The following PTPRT variants were observed in gnomAD, a reference collection of about 807,000 sequenced individuals.
PTPRT encodes the protein receptor-type tyrosine-protein phosphatase T.
A neutral mutation model predicts 176.8 loss-of-function variants in PTPRT; 56 were observed. The ratio of observed to expected loss-of-function variants is 0.32; its 90% CI spans 0.26 to 0.40. The LOEUF (loss-of-function observed/expected upper bound fraction) is 0.40, where lower values mean the gene tolerates loss of function less well. Ranked by LOEUF, PTPRT falls within the 10% of genes least tolerant of loss-of-function variation. PTPRT has a pLI of 1.00. For synonymous variants in PTPRT, 783 were observed against 739.0 expected, an observed-to-expected ratio of 1.06 and a Z score of -0.96; for missense variants, 1,540 against 1,908.2, an observed-to-expected ratio of 0.81 and a Z score of 3.60.
chr20:42,309,750 G>A (rs2057598487), intron 12 of PTPRT, among the ~76,000 whole-genome samples: 2 of 152,142 alleles, frequency 1.3e-5, no homozygotes, highest in Admixed American at 1.3e-4. Context: ...TGATTATTAG[G>A]TGTCTATTAT....
chr20:43,049,931 T>C (rs768322960), intron 1 of PTPRT, among the ~76,000 whole-genome samples: 4 of 152,170 alleles, frequency 2.6e-5, no homozygotes, highest in Non-Finnish European at 2.9e-5. Flanking sequence ...GTAAGAACAA[T>C]TGCTAATATT....
At chr20:42,794,353 G>C (rs948347278) in intron 2 of PTPRT, among the ~76,000 whole-genome samples, 1 of 152,108 alleles carries the variant, frequency 6.6e-6, no homozygotes, top group Non-Finnish European at 1.5e-5. Flanking sequence ...TCAAAGACTG[G>C]TCCTTGGACC....
chr20:43,107,515 G>A (rs144229005), intron 1 of PTPRT, among the ~76,000 whole-genome samples: 1,669 of 152,254 alleles, frequency 0.011, 38 homozygotes, highest in African/African-American at 0.038. Flanking sequence ...TAGACTAAGT[G>A]GTGTAACCGA....
intron 18 of PTPRT, among the ~76,000 whole-genome samples, chr20:42,133,000 T>C (rs1452640433): frequency 1.3e-5 from 2 of 152,238 alleles, no homozygotes; most frequent in Admixed American, 6.5e-5. Context: ...TTAGGTTTTT[T>C]TGACTTTATG....
intron 6 of PTPRT, among the ~76,000 whole-genome samples, chr20:42,697,100 G>C (rs1600627054): frequency 6.6e-6 from 1 of 151,902 alleles, no homozygotes; most frequent in South Asian, 2.1e-4. Flanking sequence ...ATAATAAAAA[G>C]GTACAAGCGG....
chr20:42,081,632 A>G (rs1983338983), intron 30 of PTPRT, among the ~76,000 whole-genome samples: 1 of 152,230 alleles, frequency 6.6e-6, no homozygotes, highest in Non-Finnish European at 1.5e-5. Context: ...CACTGTCTTA[A>G]GGAATGGGCA....
chr20:42,449,277 C>T (rs918604001), intron 8 of PTPRT, among the ~76,000 whole-genome samples: 16 of 152,162 alleles, frequency 1.1e-4, no homozygotes, highest in Non-Finnish European at 1.5e-4. Flanking sequence ...GAATGACCTA[C>T]GCCAGCATTT....
intron 11 of PTPRT, among the ~76,000 whole-genome samples, chr20:42,346,982 C>A (rs989214831): frequency 2.0e-5 from 3 of 152,144 alleles, no homozygotes; most frequent in African/African-American, 7.2e-5. Flanking sequence ...ACAAAAGGGC[C>A]ACCCGGTCAT....
At chr20:42,157,771 T>C (rs1329900586) in intron 17 of PTPRT, among the ~76,000 whole-genome samples, 1 of 152,218 alleles carries the variant, frequency 6.6e-6, no homozygotes, top group Non-Finnish European at 1.5e-5. Context: ...GTAGGAATAA[T>C]GCAGTGTGAT....
intron 7 of PTPRT, among the ~76,000 whole-genome samples, chr20:42,605,685 G>A (rs1420785881): frequency 6.6e-6 from 1 of 152,200 alleles, no homozygotes; most frequent in Non-Finnish European, 1.5e-5. Flanking sequence ...AGCAAAGACC[G>A]ATCTGCACAG....
At chr20:42,147,684 CA>C (rs781444370) in intron 17 of PTPRT, among the ~76,000 whole-genome samples, 34 of 152,302 alleles carry the variant, frequency 2.2e-4, no homozygotes, top group Non-Finnish European at 4.1e-4. Context: ...CTAAACCGAA[CA>C]AAACAGTTGT....
chr20:42,870,139 C>T (rs541967349), intron 2 of PTPRT, among the ~76,000 whole-genome samples: 2 of 152,282 alleles, frequency 1.3e-5, no homozygotes, highest in South Asian at 4.1e-4. Context: ...TGGTCTAAGA[C>T]ACCACTGAAC....
rs1320842068 is a variant in PTPRT at position 42,791,474 on chromosome 20, C to A, written c.215-8G>T. ...TCACCATCATGAAAGATCCTGGAGA[C>A]CCACAAAGCAGGTGGGAAGTAGAGA... On this transcript the variant is annotated splice_region_variant and splice_polypyrimidine_tract_variant and intron_variant, in intron 2 of 30. Coordinates refer to ENST00000373187, the MANE Select transcript of PTPRT (RefSeq NM_007050.6). The A allele has an allele frequency of 6.2e-7, 1 of 1,605,150 alleles. No homozygotes were observed. Among genetic ancestry groups the A allele is most frequent in the East Asian group, 2.2e-5 (1 of 44,734 alleles).
intron 1 of PTPRT, among the ~76,000 whole-genome samples, chr20:42,906,733 CT>C (rs1461804553): frequency 2.0e-5 from 3 of 152,218 alleles, no homozygotes; most frequent in Admixed American, 2.0e-4. Flanking sequence ...ATCACACACC[CT>C]GTGAGGGGGA....
At chr20:43,152,820 A>G (rs1027520120) in intron 1 of PTPRT, among the ~76,000 whole-genome samples, 8 of 152,220 alleles carry the variant, frequency 5.3e-5, no homozygotes, top group African/African-American at 1.7e-4. Flanking sequence ...ATTACATACT[A>G]TATATCAAGC....
chr20:42,829,539 C>A (rs1271999912), intron 2 of PTPRT, among the ~76,000 whole-genome samples: 1 of 152,132 alleles, frequency 6.6e-6, no homozygotes, highest in African/African-American at 2.4e-5. Context: ...ACCAGCCTGA[C>A]CAACATGGTG....
intron 11 of PTPRT, among the ~76,000 whole-genome samples, chr20:42,331,164 T>C (rs1349932164): frequency 6.6e-6 from 1 of 152,124 alleles, no homozygotes; most frequent in Admixed American, 6.5e-5. Context: ...TCCTGTCAAG[T>C]TCTCAGTTGA....
chr20:42,375,907 A>C (rs1021370018), intron 9 of PTPRT, among the ~76,000 whole-genome samples: 1 of 152,362 alleles, frequency 6.6e-6, no homozygotes. Context: ...ATTAGTGTTC[A>C]ACATTGCTAT....
rs75950273 is a variant in PTPRT at position 42,524,272 on chromosome 20, C to G, written c.1154-51710G>C. On this transcript the variant is annotated intron_variant, in intron 7 of 30. Transcript: ENST00000373187. ...GATTTTTGCATAGTAGGCTTTTCTT[C>G]CTTTCTGGGGAAAGAGATTGATTTT... Among the ~76,000 whole-genome samples the G allele has an allele frequency of 7.3e-4, 111 of 152,230 alleles. 3 individuals are homozygous for G. In the East Asian group the frequency reaches 0.018, roughly 25 times the overall value.
Sources: gnomAD v4.1 joint callset for allele counts (sites outside exome capture counted in the v4.1 genomes callset) on GRCh38, gnomAD v4.1.1 for gene constraint, MANE v1.5 for transcripts, NCBI Gene and HGNC (gene_info 2026-07-23, HGNC 2026-07-21) for gene names.